The following PLCB1 variants were observed in gnomAD, a reference collection of about 807,000 sequenced individuals.
PLCB1 encodes 1-phosphatidylinositol 4,5-bisphosphate phosphodiesterase beta-1.
Under a neutral mutation model 161.8 loss-of-function variants are expected in PLCB1, and 46 were observed. The ratio of observed to expected loss-of-function variants is 0.28; its 90% CI spans 0.22 to 0.36. The LOEUF is 0.36. Among genes scored for constraint, PLCB1 ranks in the 10% least tolerant of loss-of-function variants. PLCB1 has a pLI of 1.00. For synonymous variants in PLCB1, 517 were observed against 503.7 expected (o/e 1.03, Z -0.35); for missense variants, 1,016 against 1,472.5 (o/e 0.69, Z 5.07).
intron 1 of PLCB1, among the ~76,000 whole-genome samples, chr20:8,140,514 A>G (rs2051391490): frequency 6.6e-6 from 1 of 152,200 alleles, no homozygotes; most frequent in African/African-American, 2.4e-5. Context: ...ACTAAGTCCT[A>G]ATAGCAGGCA....
chr20:8,214,149 A>G (rs975670681), intron 2 of PLCB1, among the ~76,000 whole-genome samples: 16 of 152,154 alleles, frequency 1.1e-4, no homozygotes, highest in South Asian at 2.1e-4. Flanking sequence ...ACAAACCACA[A>G]CTGAAATGGG....
intron 2 of PLCB1, among the ~76,000 whole-genome samples, chr20:8,181,075 AC>A (rs1406298479): frequency 1.3e-5 from 2 of 151,540 alleles, no homozygotes; most frequent in Non-Finnish European, 2.9e-5. Flanking sequence ...ACATGGCGAA[AC>A]CCCGTCTCTA....
At chr20:8,881,487 A>G in intron 31 of PLCB1, 135 bp from the exon 32 acceptor site, 1 of 707,208 alleles carries the variant, frequency 1.4e-6, no homozygotes, top group Non-Finnish European at 2.5e-6. Flanking sequence ...TCTCCTCTAT[A>G]GGTGACCAGT....
chr20:8,309,331 C>T (rs1984284229), intron 2 of PLCB1, among the ~76,000 whole-genome samples: 1 of 152,160 alleles, frequency 6.6e-6, no homozygotes, highest in African/African-American at 2.4e-5. Context: ...ATGCACAAGA[C>T]CTTACTGGTC....
chr20:8,539,977 G>A (rs1985242789), intron 3 of PLCB1, among the ~76,000 whole-genome samples: 1 of 151,952 alleles, frequency 6.6e-6, no homozygotes, highest in African/African-American at 2.4e-5. Flanking sequence ...TTCCCCATTT[G>A]ACCTCCAGCA....
At chr20:8,787,890 A>G (rs1056220478) in intron 27 of PLCB1, among the ~76,000 whole-genome samples, 2 of 152,274 alleles carry the variant, frequency 1.3e-5, no homozygotes, top group Non-Finnish European at 2.9e-5. Flanking sequence ...ACGCAAGAAC[A>G]TAAATGTCAA....
At chr20:8,402,368 G>A (rs965619473) in intron 3 of PLCB1, among the ~76,000 whole-genome samples, 1 of 151,976 alleles carries the variant, frequency 6.6e-6, no homozygotes, top group Non-Finnish European at 1.5e-5. Context: ...AATGTTTTAA[G>A]GTCTTTATCA....
intron 3 of PLCB1, among the ~76,000 whole-genome samples, chr20:8,521,831 T>A (rs561626099): frequency 1.2e-4 from 19 of 152,330 alleles, no homozygotes; most frequent in African/African-American, 4.6e-4. Context: ...GATATATAAC[T>A]AAACACCACT....
chr20:8,778,087 G>A (rs371892458), intron 27 of PLCB1, among the ~76,000 whole-genome samples: 6 of 152,040 alleles, frequency 3.9e-5, no homozygotes, highest in South Asian at 2.1e-4. Context: ...CCATATCACC[G>A]ACTATAATCA....
chr20:8,801,868 A>G (rs1331067425), intron 31 of PLCB1, among the ~76,000 whole-genome samples: 1 of 152,182 alleles, frequency 6.6e-6, no homozygotes, highest in African/African-American at 2.4e-5. Flanking sequence ...ATTCCATTGC[A>G]TGTGTGGGAG....
chr20:8,825,765 G>T (rs1158846382), intron 31 of PLCB1, among the ~76,000 whole-genome samples: 1 of 152,182 alleles, frequency 6.6e-6, no homozygotes, highest in Non-Finnish European at 1.5e-5. Context: ...GGGGCAAGCG[G>T]GTTGCAAAAG....
rs994941879 is a variant in PLCB1, at chr20:8,532,836, AT to A, written c.247-95450del. ...AGGATGAATGGAAGGAGGAAATGCA[AT>A]TTTTTTTCTTCCTTTTTATTTTATT... On this transcript the variant is annotated intron_variant, in intron 3 of 31. Coordinates refer to ENST00000338037, the MANE Select transcript of PLCB1 (RefSeq NM_015192.4). 3.0e-3 allele frequency among the ~76,000 whole-genome samples: 452 copies of A among 151,726 alleles called. 3 individuals carry two copies. The highest frequency in any genetic ancestry group is 0.01 in the African/African-American group (420 of 41,360).
chr20:8,246,446 T>G (rs1444714494), intron 2 of PLCB1, among the ~76,000 whole-genome samples: 1 of 151,952 alleles, frequency 6.6e-6, no homozygotes, highest in Non-Finnish European at 1.5e-5. Flanking sequence ...CAAGAGAGAA[T>G]GTAGAAACAT....
At chr20:8,477,917 T>C (rs187049176) in intron 3 of PLCB1, among the ~76,000 whole-genome samples, 114 of 152,354 alleles carry the variant, frequency 7.5e-4, no homozygotes, top group African/African-American at 2.5e-3. Flanking sequence ...CACATCTTAG[T>C]GCTTTACATA....
At chr20:8,790,285 A>G in intron 31 of PLCB1, 24 bp downstream of exon 31, 1 of 1,549,504 alleles carries the variant, frequency 6.5e-7, no homozygotes, top group East Asian at 2.3e-5. Context: ...AATTAAAATG[A>G]ACAATTATTT....
At chr20:8,651,623 C>A (rs1430182499) in intron 7 of PLCB1, 12 of 642,582 alleles carry the variant, frequency 1.9e-5, no homozygotes, top group African/African-American at 1.3e-4. Context: ...ACTATGTGCC[C>A]ATAGGCATTG....
chr20:8,512,552 A>G (rs1392396956), intron 3 of PLCB1, among the ~76,000 whole-genome samples: 1 of 152,122 alleles, frequency 6.6e-6, no homozygotes, highest in Non-Finnish European at 1.5e-5. Context: ...AATAAAAAAC[A>G]TTGTGGCTTT....
intron 2 of PLCB1, among the ~76,000 whole-genome samples, chr20:8,219,551 G>A (rs1979302935): frequency 6.6e-6 from 1 of 152,116 alleles, no homozygotes; most frequent in African/African-American, 2.4e-5. Flanking sequence ...CATTGTCTTA[G>A]CTTGCCAAGC....
intron 14 of PLCB1, among the ~76,000 whole-genome samples, chr20:8,718,224 A>G (rs1300986842): frequency 6.6e-6 from 1 of 152,152 alleles, no homozygotes; most frequent in Non-Finnish European, 1.5e-5. Context: ...GTCTCAAAAA[A>G]AAAAGAATTT....
Sources: gnomAD v4.1 joint callset for allele counts (sites outside exome capture counted in the v4.1 genomes callset) on GRCh38, gnomAD v4.1.1 for gene constraint, MANE v1.5 for transcripts, NCBI Gene and HGNC (gene_info 2026-07-23, HGNC 2026-07-21) for gene names.